PLBD1: variants seen among roughly 807,000 people sequenced by gnomAD.
The protein encoded by PLBD1 is lysosomal leucine aminopeptidase.
A neutral mutation model predicts 63.0 loss-of-function variants in PLBD1; 60 were observed. The observed-to-expected ratio is 0.95, with a 90% CI of 0.77 to 1.18. The LOEUF is 1.18. PLBD1 is among the 50% of genes most tolerant of loss of function. The pLI, the probability that PLBD1 is intolerant of heterozygous loss-of-function variation, is 0.00. For synonymous variants in PLBD1, 262 were observed against 248.0 expected, an observed-to-expected ratio of 1.06 and a Z score of -0.53; for missense variants, 598 against 677.9, an observed-to-expected ratio of 0.88 and a Z score of 1.31.
chr12:14,518,874 A>G (rs1239272411), intron 6 of PLBD1, among the ~76,000 whole-genome samples: 1 of 152,158 alleles, frequency 6.6e-6, no homozygotes, highest in African/African-American at 2.4e-5. Flanking sequence ...AAAACCTTCT[A>G]AAAGGAGCTC....
intron 1 of PLBD1, among the ~76,000 whole-genome samples, chr12:14,565,056 A>C (rs1470740992): frequency 5.3e-5 from 8 of 152,230 alleles, no homozygotes; most frequent in Admixed American, 5.2e-4. Flanking sequence ...ACGCAACACC[A>C]TATGTCTGAA....
chr12:14,519,618 TAA>T (rs77006344), intron 6 of PLBD1, among the ~76,000 whole-genome samples: 1,725 of 115,384 alleles, frequency 0.015, 23 homozygotes, highest in African/African-American at 0.052. Flanking sequence ...GACATCATCT[TAA>T]AAAAAAAAAA....
At chr12:14,563,093 A>G (rs1458930649) in intron 1 of PLBD1, among the ~76,000 whole-genome samples, 1 of 152,172 alleles carries the variant, frequency 6.6e-6, no homozygotes. Context: ...TTGCTACCAA[A>G]TTTATGTTTT....
intron 1 of PLBD1, 86 bp from the exon 2 acceptor site, chr12:14,553,498 G>A (rs545905335): frequency 5.4e-4 from 571 of 1,064,048 alleles, no homozygotes; most frequent in Non-Finnish European, 6.6e-4. Context: ...ATTTCAAGAC[G>A]TTTGCTTTTA....
chr12:14,511,485 A>G, intron 7 of PLBD1, 26 bp downstream of exon 7: 1 of 1,614,102 alleles, frequency 6.2e-7, no homozygotes, highest in Non-Finnish European at 8.5e-7. Context: ...GTCTGTGCCT[A>G]ACAGTTATTC....
intron 10 of PLBD1, among the ~76,000 whole-genome samples, chr12:14,504,247 G>A (rs551619525): frequency 2.6e-5 from 4 of 152,196 alleles, no homozygotes; most frequent in African/African-American, 9.6e-5. Flanking sequence ...ATGGGGTTTT[G>A]CCTTGTTGGC....
At chr12:14,520,222 G>A (rs1459867109) in intron 6 of PLBD1, among the ~76,000 whole-genome samples, 4 of 152,132 alleles carry the variant, frequency 2.6e-5, no homozygotes, top group Non-Finnish European at 5.9e-5. Context: ...GGTAAGAGCT[G>A]GAAAAGCAAA....
chr12:14,506,272 G>A lies in PLBD1; in HGVS notation c.1373-4C>T, dbSNP rs115795697. 8.5e-4 allele frequency: 1,345 copies of A among 1,585,208 alleles called. 12 individuals carry two copies. The African/African-American group carries it at 0.016, about 19-fold the overall frequency. On this transcript the variant is annotated splice_region_variant and splice_polypyrimidine_tract_variant and intron_variant, in intron 9 of 10. Transcript: ENST00000240617. Reference sequence around the variant, plus strand: ...CTGTAAGGATCCTTCTTATAATCTAGGAAACAGAAATGGGGAAGAGAGTGA... The same window carrying A: ...CTGTAAGGATCCTTCTTATAATCTAAGAAACAGAAATGGGGAAGAGAGTGA...
intron 2 of PLBD1, among the ~76,000 whole-genome samples, chr12:14,543,815 T>C (rs1945594308): frequency 6.6e-6 from 1 of 152,254 alleles, no homozygotes; most frequent in Non-Finnish European, 1.5e-5. Context: ...GTTCCTTATA[T>C]ACCACACCTT....
chr12:14,518,427 G>A (rs1472336637), intron 6 of PLBD1, among the ~76,000 whole-genome samples: 2 of 152,168 alleles, frequency 1.3e-5, no homozygotes, highest in East Asian at 1.9e-4. Flanking sequence ...AACAAGTCCT[G>A]TGCTGAACAC....
intron 1 of PLBD1, among the ~76,000 whole-genome samples, chr12:14,558,631 T>A (rs1945724789): frequency 6.6e-6 from 1 of 152,118 alleles, no homozygotes; most frequent in African/African-American, 2.4e-5. Flanking sequence ...CAAAGCATGA[T>A]TTTAGCTTTT....
intron 2 of PLBD1, among the ~76,000 whole-genome samples, chr12:14,552,250 C>T (rs377656963): frequency 6.6e-6 from 1 of 152,102 alleles, no homozygotes; most frequent in Admixed American, 6.6e-5. Context: ...GGATGAGAGT[C>T]GATTAAATAA....
intron 5 of PLBD1, 198 bp from the exon 6 acceptor site, chr12:14,536,001 A>T: frequency 7.6e-6 from 4 of 529,398 alleles, no homozygotes; most frequent in Non-Finnish European, 1.3e-5. Flanking sequence ...TAACATTCAA[A>T]ATGGAAGACT....
At chr12:14,543,822 C>G (rs1251574668) in intron 2 of PLBD1, among the ~76,000 whole-genome samples, 3 of 152,180 alleles carry the variant, frequency 2.0e-5, no homozygotes, top group Non-Finnish European at 4.4e-5. Flanking sequence ...ATATACCACA[C>G]CTTCCCTACT....
chr12:14,523,901 A>C (rs907458397), intron 6 of PLBD1, among the ~76,000 whole-genome samples: 1 of 152,246 alleles, frequency 6.6e-6, no homozygotes, highest in Non-Finnish European at 1.5e-5. Context: ...TATGGAATCA[A>C]CCTAAATGGC....
intron 6 of PLBD1, among the ~76,000 whole-genome samples, chr12:14,520,293 T>C (rs1945365272): frequency 6.6e-6 from 1 of 152,184 alleles, no homozygotes; most frequent in African/African-American, 2.4e-5. Flanking sequence ...CTCTATAATA[T>C]GAATTTGAGC....
intron 2 of PLBD1, among the ~76,000 whole-genome samples, chr12:14,548,699 AT>A (rs1206035786): frequency 1.3e-5 from 2 of 152,184 alleles, no homozygotes; most frequent in Non-Finnish European, 2.9e-5. Context: ...GTCTCAACAT[AT>A]TAATGTAAGT....
intron 4 of PLBD1, 32 bp from the exon 5 acceptor site, chr12:14,536,742 G>A (rs769196162): frequency 6.2e-7 from 1 of 1,605,640 alleles, no homozygotes; most frequent in Admixed American, 1.7e-5. Context: ...ACTTAACATC[G>A]TTTTGTGACA....
chr12:14,524,106 C>G (rs1945398415), intron 6 of PLBD1, among the ~76,000 whole-genome samples: 1 of 151,974 alleles, frequency 6.6e-6, no homozygotes, highest in Admixed American at 6.6e-5. Flanking sequence ...TCTATAAAAG[C>G]CGATCTCATA....
Sources: allele counts gnomAD v4.1 joint callset (sites outside exome capture counted in the v4.1 genomes callset), GRCh38; gene constraint gnomAD v4.1.1; transcripts MANE v1.5; gene names NCBI Gene and HGNC (gene_info 2026-07-23, HGNC 2026-07-21).